FHIT: variants seen among roughly 807,000 people sequenced by gnomAD.
The protein encoded by FHIT is bis(5'-adenosyl)-triphosphatase.
FHIT carries 19 observed loss-of-function variants against 17.9 expected under a neutral mutation model. That is an observed-to-expected ratio of 1.06 (90% CI 0.74 to 1.56). The LOEUF (loss-of-function observed/expected upper bound fraction) is 1.56. Ranked by LOEUF, FHIT falls within the 40% of genes most tolerant of loss-of-function variation. The pLI, the probability that FHIT is intolerant of heterozygous loss-of-function variation, is 0.00. For missense variants in FHIT, 248 were observed against 189.2 expected, an observed-to-expected ratio of 1.31 and a Z score of -1.82; for synonymous variants, 81 against 69.7, an observed-to-expected ratio of 1.16 and a Z score of -0.81.
intron 7 of FHIT, 123 bp downstream of exon 7, chr3:60,011,248 G>T (rs953267656): frequency 2.4e-6 from 2 of 847,952 alleles, no homozygotes; most frequent in African/African-American, 3.3e-5. Flanking sequence ...TAACACTGAG[G>T]GTCTCTCTGA....
intron 5 of FHIT, among the ~76,000 whole-genome samples, chr3:60,365,305 G>A (rs1233203002): frequency 2.6e-5 from 4 of 151,950 alleles, no homozygotes; most frequent in African/African-American, 9.7e-5. Context: ...TACTTTGAAT[G>A]TAAGGTTACA....
chr3:60,578,820 A>ATATT (rs1221845803), intron 4 of FHIT, among the ~76,000 whole-genome samples: 6 of 152,170 alleles, frequency 3.9e-5, no homozygotes, highest in Admixed American at 3.9e-4. Context: ...ATATGTGCCT[A>ATATT]TATTTATATA....
intron 3 of FHIT, among the ~76,000 whole-genome samples, chr3:60,886,474 T>A (rs782685195): frequency 2.6e-5 from 4 of 152,222 alleles, no homozygotes; most frequent in African/African-American, 9.6e-5. Context: ...GTAATACTCA[T>A]AGGGACAATG....
chr3:59,854,150 C>G (rs1232589868), intron 8 of FHIT, among the ~76,000 whole-genome samples: 1 of 152,062 alleles, frequency 6.6e-6, no homozygotes. Flanking sequence ...AGTCGTTAGC[C>G]CTGCACTGCA....
chr3:60,193,610 C>A (rs1702498469), intron 5 of FHIT, among the ~76,000 whole-genome samples: 1 of 152,128 alleles, frequency 6.6e-6, no homozygotes, highest in African/African-American at 2.4e-5. Context: ...CTTGACAAGT[C>A]ATTTTATAGA....
intron 3 of FHIT, chr3:60,856,501 G>A (rs1325219377): frequency 1.3e-5 from 2 of 152,108 alleles, no homozygotes; most frequent in Admixed American, 6.6e-5. Flanking sequence ...CTTCGTGCTC[G>A]GGAGAGAACA....
At chr3:60,332,737 C>T (rs1710047831) in intron 5 of FHIT, among the ~76,000 whole-genome samples, 1 of 152,128 alleles carries the variant, frequency 6.6e-6, no homozygotes, top group African/African-American at 2.4e-5. Context: ...TCTTCTGAGC[C>T]ATCCCTTCCT....
At position 60,004,115 on chromosome 3, in the gene FHIT, G is replaced by C. The variant is rs183370945; in HGVS notation, c.279+7256C>G. ...GGCCTTACTACATCAACAAAGGTAAGACTCTGACTGAATAATAACGCCTTA... is the reference window on the plus strand; with the variant it reads ...GGCCTTACTACATCAACAAAGGTAACACTCTGACTGAATAATAACGCCTTA... On this transcript the variant is annotated intron_variant, in intron 7 of 9. Coordinates refer to ENST00000492590, the MANE Select transcript of FHIT (RefSeq NM_002012.4). 4.6e-3 allele frequency among the ~76,000 whole-genome samples: 705 copies of C among 152,180 alleles called. 14 individuals carry two copies. The highest frequency in any genetic ancestry group is 0.041 in the Admixed American group (621 of 15,270).
chr3:59,831,709 A>C (rs939884383), intron 8 of FHIT, among the ~76,000 whole-genome samples: 1 of 152,144 alleles, frequency 6.6e-6, no homozygotes, highest in Non-Finnish European at 1.5e-5. Context: ...CTCCTGAATG[A>C]GATGGAAAAT....
intron 5 of FHIT, among the ~76,000 whole-genome samples, chr3:60,198,701 C>T (rs547380510): frequency 6.6e-6 from 1 of 152,210 alleles, no homozygotes; most frequent in East Asian, 1.9e-4. Flanking sequence ...CCAAGGGAGG[C>T]GGTGCAGCTC....
At chr3:60,934,146 G>GT (rs1422207153) in intron 3 of FHIT, among the ~76,000 whole-genome samples, 1 of 152,140 alleles carries the variant, frequency 6.6e-6, no homozygotes, top group African/African-American at 2.4e-5. Context: ...AAGTACGTTG[G>GT]TTACCCAGAT....
At chr3:60,312,340 C>T (rs368651962) in intron 5 of FHIT, among the ~76,000 whole-genome samples, 11 of 152,056 alleles carry the variant, frequency 7.2e-5, no homozygotes, top group African/African-American at 2.7e-4. Flanking sequence ...CAAGGTCTCA[C>T]TATGTTGCCT....
chr3:60,923,912 T>G (rs1707428874), intron 3 of FHIT, among the ~76,000 whole-genome samples: 1 of 152,196 alleles, frequency 6.6e-6, no homozygotes. Flanking sequence ...GGAGATTATA[T>G]CCTGCACCTG....
chr3:60,896,036 C>A (rs1705804912), intron 3 of FHIT, among the ~76,000 whole-genome samples: 1 of 152,040 alleles, frequency 6.6e-6, no homozygotes, highest in Admixed American at 6.6e-5. Flanking sequence ...TGCCTGATCT[C>A]CGCCTCCTGT....
chr3:60,599,226 A>G (rs187801722), intron 4 of FHIT, among the ~76,000 whole-genome samples: 78 of 152,252 alleles, frequency 5.1e-4, no homozygotes, highest in African/African-American at 1.8e-3. Context: ...TTGTGTTAGA[A>G]CACAAAGGGG....
Position 60,330,852 on chromosome 3 carries a change from T to C in FHIT, c.103+206008A>G, listed in dbSNP as rs1411402658. 5.3e-5 allele frequency among the ~76,000 whole-genome samples: 8 copies of C among 152,268 alleles called. No homozygotes were observed. The East Asian group carries it at 1.5e-3, about 29-fold the overall frequency. ...TATATGGCTTTAAGCTAAAGGAACA[T>C]CAAAGTCATGAGTGCCTTGGAAAAC... On this transcript the variant is annotated intron_variant, in intron 5 of 9. Transcript: ENST00000492590.
chr3:60,780,993 C>T (rs1700366919), intron 4 of FHIT, among the ~76,000 whole-genome samples: 1 of 152,160 alleles, frequency 6.6e-6, no homozygotes, highest in Admixed American at 6.5e-5. Flanking sequence ...TCACCCTCTC[C>T]AACAGTCTGC....
chr3:60,662,395 C>T (rs1553691364), intron 4 of FHIT, among the ~76,000 whole-genome samples: 1 of 152,130 alleles, frequency 6.6e-6, no homozygotes, highest in African/African-American at 2.4e-5. Context: ...CTCCATTCGT[C>T]TCCGTGCCTA....
chr3:60,667,840 G>A (rs2040415673), intron 4 of FHIT, among the ~76,000 whole-genome samples: 1 of 152,032 alleles, frequency 6.6e-6, no homozygotes, highest in African/African-American at 2.4e-5. Context: ...AGACTTTGAG[G>A]TGTTATTTTG....
Sources: allele counts gnomAD v4.1 joint callset (sites outside exome capture counted in the v4.1 genomes callset), GRCh38; gene constraint gnomAD v4.1.1; transcripts MANE v1.5; gene names NCBI Gene and HGNC (gene_info 2026-07-23, HGNC 2026-07-21).